The following DAZAP1 variants were observed in gnomAD, a reference collection of about 807,000 sequenced individuals.
DAZAP1 encodes DAZ-associated protein 1.
DAZAP1 carries 6 observed loss-of-function variants against 60.1 expected under a neutral mutation model. The ratio of observed to expected loss-of-function variants is 0.10; its 90% CI spans 0.05 to 0.20. DAZAP1 has a LOEUF of 0.20. Among genes scored for constraint, DAZAP1 ranks in the 10% least tolerant of loss-of-function variants. The pLI is 1.00. For synonymous variants in DAZAP1, 235 were observed against 215.9 expected (o/e 1.09, Z -0.78); for missense variants, 366 against 560.4 (o/e 0.65, Z 3.50).
chr19:1,417,382 A>G, intron 1 of DAZAP1, 118 bp from the exon 2 acceptor site: 3 of 1,137,450 alleles, frequency 2.6e-6, no homozygotes, highest in Non-Finnish European at 3.9e-6. Flanking sequence ...TCACGTGCAC[A>G]AGGACGTTTG....
chr19:1,418,802 A>G lies in DAZAP1; in HGVS notation c.303+71A>G, dbSNP rs758980487. 23 of 1,462,690 alleles carry G rather than the reference A, an allele frequency of 1.6e-5. No homozygotes were observed. The highest frequency in any genetic ancestry group is 4.3e-5 in the African/African-American group (3 of 70,184). 90.6% of individuals were successfully genotyped at this position (1,462,690 alleles called of 1,614,324 possible). ...CGTGGAAAGGAAATGCGTGCCTTCA[A>G]TCTGCTGTTGTCGCTCGTTAAGATT... is the stretch of plus-strand genomic sequence containing the variant. On this transcript the variant is annotated intron_variant, in intron 4 of 11. Transcript: ENST00000233078. The surrounding 1 kb of genome is among the most constrained non-coding windows in gnomAD (Gnocchi z 5.7).
At chr19:1,411,053 C>T (rs1289662284) in intron 1 of DAZAP1, among the ~76,000 whole-genome samples, 4 of 152,186 alleles carry the variant, frequency 2.6e-5, no homozygotes, top group East Asian at 1.9e-4. Context: ...CCCTAGAGGC[C>T]GTGACTACTT....
Position 1,425,848 on chromosome 19 carries a change from T to C in DAZAP1, c.464-30T>C. 6.8e-7 allele frequency: 1 copy of C among 1,466,930 alleles called. No individual in the cohort carries two copies. The allele number at this position is 1,466,930 out of a possible 1,614,324, so 90.9% of individuals were successfully genotyped here. A position where few individuals can be genotyped will look rare whatever the true frequency, so the allele number is the denominator to read the frequency against. On this transcript the variant is annotated intron_variant, in intron 6 of 11. Transcript: ENST00000233078. This position sits in a 1 kb window ranked among gnomAD's most constrained non-coding sequence, Gnocchi z 5.4. ...CCTGTTTTGTGTCACAACACCCTGC[T>C]ACCTTGATTCACTCTTCGTCGTTGG...
Position 1,426,147 on chromosome 19 carries a change from C to T in DAZAP1, c.546+187C>T, listed in dbSNP as rs2083299281. Among the ~76,000 whole-genome samples the T allele has an allele frequency of 6.6e-6, 1 of 152,184 alleles. No individual in the cohort carries two copies. The highest frequency in any genetic ancestry group is 2.4e-5 in the African/African-American group (1 of 41,442). On this transcript the variant is annotated intron_variant, in intron 7 of 11. Coordinates refer to ENST00000233078, the MANE Select transcript of DAZAP1 (RefSeq NM_018959.4). This position sits in a 1 kb window ranked among gnomAD's most constrained non-coding sequence, Gnocchi z 5.4. ...GTCCCATCCTTCCCCAGCACCCTTC[C>T]TGCGGGGTGGGGATCTCTCAGCTTT...
intron 1 of DAZAP1, among the ~76,000 whole-genome samples, chr19:1,414,364 G>A (rs1426417726): frequency 2.6e-5 from 4 of 152,174 alleles, no homozygotes; most frequent in Non-Finnish European, 5.9e-5. Flanking sequence ...GCTGGAGACC[G>A]ATGCAGTCCC....
rs1241242403 is a variant in DAZAP1 at position 1,424,467 on chromosome 19, C to T, written c.464-1411C>T. On this transcript the variant is annotated intron_variant, in intron 6 of 11. Transcript: ENST00000233078. ...CTCCTGAACCACAGTGACCTTTGTC[C>T]CCTCACAGTCTGAGCTGCCCTTTCT... Among the ~76,000 whole-genome samples the T allele has an allele frequency of 1.3e-4, 19 of 151,468 alleles. No homozygotes were observed. The East Asian group carries it at 2.9e-3, about 23-fold the overall frequency.
rs1173308830 is a variant in DAZAP1 at position 1,432,726 on chromosome 19, C to T, written c.1048+36C>T. On this transcript the variant is annotated intron_variant, in intron 11 of 11. Transcript: ENST00000233078. This position sits in a 1 kb window ranked among gnomAD's most constrained non-coding sequence, Gnocchi z 4.9. ...TCCTGCCATGCCGCGTCCCCGCTGGCCCCAGGACCCTGGGCACGGCCTGCC... is the reference window on the plus strand; with the variant it reads ...TCCTGCCATGCCGCGTCCCCGCTGGTCCCAGGACCCTGGGCACGGCCTGCC... 1.9e-6 allele frequency: 3 copies of T among 1,546,904 alleles called. No homozygotes were observed. The African/African-American group carries it at 4.1e-5, about 21-fold the overall frequency.
intron 1 of DAZAP1, 96 bp from the exon 2 acceptor site, chr19:1,417,404 T>C (rs964580202): frequency 7.2e-7 from 1 of 1,393,174 alleles, no homozygotes; most frequent in Non-Finnish European, 9.9e-7. Context: ...GTCAGCTGCT[T>C]CTGTGGTTTG....
At chr19:1,421,653 G>A (rs2144811137) in intron 5 of DAZAP1, among the ~76,000 whole-genome samples, 1 of 152,386 alleles carries the variant, frequency 6.6e-6, no homozygotes, top group South Asian at 2.1e-4. Flanking sequence ...GCTCCGTTGA[G>A]CCCAGTGCCA....
Position 1,423,904 on chromosome 19 carries a change from G to A in DAZAP1, c.463+1508G>A, listed in dbSNP as rs908098048. Among the ~76,000 whole-genome samples the A allele has an allele frequency of 6.6e-6, 1 of 152,218 alleles. No homozygotes were observed. The highest frequency in any genetic ancestry group is 1.5e-5 in the Non-Finnish European group (1 of 68,042). ...TCCACACTGGTGTACAGAGCACTTC[G>A]GGGCCAGCACGTGGCCACATGTCCT... On this transcript the variant is annotated intron_variant, in intron 6 of 11. Transcript: ENST00000233078. This position sits in a 1 kb window ranked among gnomAD's most constrained non-coding sequence, Gnocchi z 6.8.
At chr19:1,421,064 G>A (rs1022083034) in intron 4 of DAZAP1, 84 bp from the exon 5 acceptor site, 55 of 1,220,788 alleles carry the variant, frequency 4.5e-5, no homozygotes, top group Non-Finnish European at 6.4e-5. Flanking sequence ...AAACCAGCGC[G>A]GATTGGCCTT....
In DAZAP1 at chr19:1,422,310, G is replaced by A; in HGVS notation, c.415-38G>A. On this transcript the variant is annotated intron_variant, in intron 5 of 11. Transcript: ENST00000233078. This position sits in a 1 kb window ranked among gnomAD's most constrained non-coding sequence, Gnocchi z 4.5. ...CCTCGGAAGACCACCTGTGGTGCTG[G>A]CCCTGGTGTCCGTGCTGACGCCACC... 1 of 1,602,118 alleles carries A rather than the reference G, an allele frequency of 6.2e-7. No homozygotes were observed. Among genetic ancestry groups the A allele is most frequent in the South Asian group, 1.1e-5 (1 of 90,826 alleles).
Position 1,433,487 on chromosome 19 carries a change from G to C in DAZAP1, c.1048+797G>C. On this transcript the variant is annotated intron_variant, in intron 11 of 11. Coordinates refer to ENST00000233078, the MANE Select transcript of DAZAP1 (RefSeq NM_018959.4). This position sits in a 1 kb window ranked among gnomAD's most constrained non-coding sequence, Gnocchi z 6.1. Reference sequence around the variant, plus strand: ...CTTCCTCTAGGCCTGGTGGAGGCCGGGGTGTGGGAGCTGTGTTCGGCCGAG... The same window carrying C: ...CTTCCTCTAGGCCTGGTGGAGGCCGCGGTGTGGGAGCTGTGTTCGGCCGAG... The C allele has an allele frequency of 1.9e-6, 1 of 536,916 alleles. No individual in the cohort carries two copies. The highest frequency in any genetic ancestry group is 3.4e-6 in the Non-Finnish European group (1 of 298,110). 33.3% of individuals were successfully genotyped at this position (536,916 alleles called of 1,614,324 possible).
chr19:1,419,141 C>T (rs530996930), intron 4 of DAZAP1, among the ~76,000 whole-genome samples: 190 of 152,308 alleles, frequency 1.2e-3, no homozygotes, highest in Middle Eastern at 6.8e-3. Context: ...GATCCCCTGA[C>T]GTGGCAACTT....
Position 1,430,300 on chromosome 19 carries a change from CTCCTGGAGG to C in DAZAP1, c.810_818del (p.Pro271_Gly273del). ...TTCACCTCCTACATCGTGTCCACCC[CTCCTGGAGG>C]CTTTCCCCCTCCCCAGGGCTTCCCT... On this transcript the variant is annotated inframe_deletion, in exon 10 of 12. Coordinates refer to ENST00000233078, the MANE Select transcript of DAZAP1 (RefSeq NM_018959.4). The C allele has an allele frequency of 6.4e-7, 1 of 1,564,308 alleles. No individual in the cohort carries two copies. Among genetic ancestry groups the C allele is most frequent in the South Asian group, 1.2e-5 (1 of 82,568 alleles).
rs1436673505 is a variant in DAZAP1, at chr19:1,432,743, C to T, written c.1048+53C>T. 66 of 1,516,976 alleles carry T rather than the reference C, an allele frequency of 4.4e-5. No individual in the cohort carries two copies. The highest frequency in any genetic ancestry group is 5.2e-5 in the Non-Finnish European group (59 of 1,124,990). 94.0% of individuals were successfully genotyped at this position (1,516,976 alleles called of 1,614,324 possible). ...CCCGCTGGCCCCAGGACCCTGGGCA[C>T]GGCCTGCCTTCTTCTGCTTCCTCCC... On this transcript the variant is annotated intron_variant, in intron 11 of 11. Coordinates refer to ENST00000233078, the MANE Select transcript of DAZAP1 (RefSeq NM_018959.4). The surrounding 1 kb of genome is among the most constrained non-coding windows in gnomAD (Gnocchi z 4.9).
rs2083192380 is a variant in DAZAP1, at chr19:1,422,685, G to A, written c.463+289G>A. ...TCTGTTTTTCACTGTCCGGAAGAGT[G>A]TGGTCCTTCTGCATTTGACCTTCCT... is the stretch of plus-strand genomic sequence containing the variant. On this transcript the variant is annotated intron_variant, in intron 6 of 11. Coordinates refer to ENST00000233078, the MANE Select transcript of DAZAP1 (RefSeq NM_018959.4). The surrounding 1 kb of genome is among the most constrained non-coding windows in gnomAD (Gnocchi z 4.5). Among the ~76,000 whole-genome samples the A allele has an allele frequency of 6.6e-6, 1 of 152,128 alleles. No homozygotes were observed. The highest frequency in any genetic ancestry group is 6.5e-5 in the Admixed American group (1 of 15,280).
chr19:1,426,246 TGTTGGG>T lies in DAZAP1; in HGVS notation c.546+288_546+293del, dbSNP rs2083302440. 3 of 415,618 alleles carry T rather than the reference TGTTGGG, an allele frequency of 7.2e-6. No individual in the cohort carries two copies. Among genetic ancestry groups the T allele is most frequent in the South Asian group, 7.0e-5 (3 of 43,104 alleles). 25.7% of individuals were successfully genotyped at this position (415,618 alleles called of 1,614,324 possible). On this transcript the variant is annotated intron_variant, in intron 7 of 11. Transcript: ENST00000233078. This position sits in a 1 kb window ranked among gnomAD's most constrained non-coding sequence, Gnocchi z 5.4. The stretch of plus-strand genomic sequence containing the variant: ...GGCTGGGGCTGGGAGGCTGTGGCGG[TGTTGGG>T]GCTGGCTCCAGTGAAACCGCAGCGT...
rs911756029 is a variant in DAZAP1 at position 1,422,522 on chromosome 19, A to C, written c.463+126A>C. On this transcript the variant is annotated intron_variant, in intron 6 of 11. Coordinates refer to ENST00000233078, the MANE Select transcript of DAZAP1 (RefSeq NM_018959.4). This position sits in a 1 kb window ranked among gnomAD's most constrained non-coding sequence, Gnocchi z 4.5. ...ACAGCCTCAGGAAGGGACGATTTGG[A>C]GACAAATGACTAAAACGTGGGCTCC... 2.4e-6 allele frequency: 2 copies of C among 828,390 alleles called. No homozygotes were observed. The highest frequency in any genetic ancestry group is 3.9e-6 in the Non-Finnish European group (2 of 513,552). The allele number at this position is 828,390 out of a possible 1,614,324, so 51.3% of individuals were successfully genotyped here.
Sources: gnomAD v4.1 joint callset for allele counts (sites outside exome capture counted in the v4.1 genomes callset) on GRCh38, gnomAD v4.1.1 for gene constraint, Gnocchi (gnomAD v3.1) non-coding constraint, MANE v1.5 for transcripts, NCBI Gene and HGNC (gene_info 2026-07-23, HGNC 2026-07-21) for gene names.